Variants in DLGAP2 observed in about 807,000 individuals in gnomAD.
The protein encoded by DLGAP2 is disks large-associated protein 2.
DLGAP2 carries 26 observed loss-of-function variants against 100.3 expected under a neutral mutation model. The observed-to-expected ratio is 0.26, with a 90% confidence interval of 0.19 to 0.36. DLGAP2 has a LOEUF of 0.36. Ranked by LOEUF, DLGAP2 falls within the 10% of genes least tolerant of loss-of-function variation. The pLI, the probability that DLGAP2 is intolerant of heterozygous loss-of-function variation, is 1.00. For missense variants in DLGAP2, 1,858 were observed against 1,453.2 expected (o/e 1.28, Z -4.53); for synonymous variants, 886 against 630.1 (o/e 1.41, Z -6.08).
At chr8:1,166,444 A>G (rs1409652515) in intron 2 of DLGAP2, among the ~76,000 whole-genome samples, 1 of 152,214 alleles carries the variant, frequency 6.6e-6, no homozygotes, top group African/African-American at 2.4e-5. Context: ...GTTCGTCTCC[A>G]GGAAGGAGTG....
chr8:936,405 C>T (rs1260325361), intron 2 of DLGAP2, among the ~76,000 whole-genome samples: 1 of 152,176 alleles, frequency 6.6e-6, no homozygotes, highest in Non-Finnish European at 1.5e-5. Context: ...GCATTGCCTC[C>T]CCTGGGAGAT....
Position 1,045,732 on chromosome 8 carries a change from T to C in DLGAP2, c.73+137766T>C, listed in dbSNP as rs368955654. On this transcript the variant is annotated intron_variant, in intron 2 of 14. Coordinates refer to ENST00000637795, the MANE Select transcript of DLGAP2 (RefSeq NM_001346810.2). Reference sequence around the variant, plus strand: ...CCTTTTTTAGGGACAGGTGTGTGTGTGTTGTCTGTTTTGTTCACTTTTGGA... The same window carrying C: ...CCTTTTTTAGGGACAGGTGTGTGTGCGTTGTCTGTTTTGTTCACTTTTGGA... Among the ~76,000 whole-genome samples the C allele has an allele frequency of 2.2e-3, 335 of 152,270 alleles. 1 individual carries two copies. The highest frequency in any genetic ancestry group is 7.9e-3 in the African/African-American group (329 of 41,552).
At chr8:1,096,842 G>T (rs1217302148) in intron 2 of DLGAP2, among the ~76,000 whole-genome samples, 3 of 139,644 alleles carry the variant, frequency 2.1e-5, no homozygotes, top group Non-Finnish European at 4.6e-5. Flanking sequence ...GTGGAGCTGG[G>T]AGCCCGGGGC....
chr8:1,098,069 C>CA lies in DLGAP2; in HGVS notation c.74-160782_74-160781insA, dbSNP rs1489291916. ...GGTTTTGATCTGAAGAGAAAACTGC[C>CA]GTGAGTTATATTTCCTTGCAACGCA... On this transcript the variant is annotated intron_variant, in intron 2 of 14. Coordinates refer to ENST00000637795, the MANE Select transcript of DLGAP2 (RefSeq NM_001346810.2). Among the ~76,000 whole-genome samples, 8 of 152,292 alleles carry CA rather than the reference C, an allele frequency of 5.3e-5. No homozygotes were observed. The East Asian group carries it at 1.5e-3, about 29-fold the overall frequency.
intron 13 of DLGAP2, 127 bp downstream of exon 13, chr8:1,691,753 C>G: frequency 1.2e-6 from 1 of 832,706 alleles, no homozygotes; most frequent in South Asian, 1.7e-5. Flanking sequence ...CGTGCACTTA[C>G]TACAGAAGAG....
intron 3 of DLGAP2, among the ~76,000 whole-genome samples, chr8:1,299,068 G>A (rs781364668): frequency 7.9e-5 from 12 of 152,270 alleles, no homozygotes; most frequent in Non-Finnish European, 1.5e-4. Context: ...CAGAGAATGT[G>A]AGCCTTGTGG....
chr8:920,306 T>A (rs910860417), intron 2 of DLGAP2, among the ~76,000 whole-genome samples: 37 of 152,328 alleles, frequency 2.4e-4, no homozygotes, highest in Non-Finnish European at 8.8e-5. Context: ...ATAAACCATA[T>A]GTTTGCACAG....
intron 1 of DLGAP2, chr8:822,067 C>T: frequency 2.5e-6 from 1 of 398,994 alleles, no homozygotes; most frequent in Non-Finnish European, 4.4e-6. Flanking sequence ...CACATTTTCC[C>T]CATCTCTATC....
intron 8 of DLGAP2, among the ~76,000 whole-genome samples, chr8:1,650,978 C>T (rs868784105): frequency 7.2e-5 from 11 of 152,284 alleles, no homozygotes; most frequent in Middle Eastern, 3.4e-3. Context: ...ATTGCTGCTG[C>T]TTCTCATGTC....
At chr8:789,366 G>C (rs942507894) in intron 1 of DLGAP2, among the ~76,000 whole-genome samples, 1 of 152,170 alleles carries the variant, frequency 6.6e-6, no homozygotes, top group Non-Finnish European at 1.5e-5. Context: ...AGAGAGTGAA[G>C]GGGGAGGTGC....
chr8:1,554,581 C>G (rs1339338588), intron 5 of DLGAP2, among the ~76,000 whole-genome samples: 2 of 152,160 alleles, frequency 1.3e-5, no homozygotes, highest in African/African-American at 2.4e-5. Context: ...CCTCCTGAGC[C>G]CGGGTCCTGT....
chr8:1,383,434 TACG>T (rs1270539439), intron 3 of DLGAP2, among the ~76,000 whole-genome samples: 1 of 152,214 alleles, frequency 6.6e-6, no homozygotes, highest in Non-Finnish European at 1.5e-5. Context: ...TGTCAAATGG[TACG>T]GTATGTGTTA....
intron 1 of DLGAP2, among the ~76,000 whole-genome samples, chr8:763,504 G>A (rs775977759): frequency 1.3e-5 from 2 of 152,166 alleles, no homozygotes; most frequent in African/African-American, 2.4e-5. Flanking sequence ...TCCATAATTC[G>A]CACTTCTAAG....
intron 3 of DLGAP2, among the ~76,000 whole-genome samples, chr8:1,490,759 G>A (rs1037116492): frequency 2.6e-5 from 4 of 152,136 alleles, no homozygotes; most frequent in African/African-American, 9.7e-5. Context: ...CTGGGCTGGG[G>A]CATGAGGCCT....
intron 2 of DLGAP2, among the ~76,000 whole-genome samples, chr8:1,168,083 C>T (rs1235405706): frequency 2.2e-5 from 3 of 139,002 alleles, no homozygotes; most frequent in Non-Finnish European, 4.6e-5. Flanking sequence ...TTCCTGTGTC[C>T]ACGTGTTCTC....
intron 4 of DLGAP2, among the ~76,000 whole-genome samples, chr8:1,545,547 A>C (rs561777694): frequency 5.6e-4 from 85 of 152,288 alleles, no homozygotes; most frequent in Non-Finnish European, 9.6e-4. Flanking sequence ...TTGCTACCTC[A>C]TTTTCACAAA....
At chr8:1,677,583 C>T (rs1020884824) in intron 11 of DLGAP2, among the ~76,000 whole-genome samples, 15 of 152,210 alleles carry the variant, frequency 9.9e-5, no homozygotes, top group Admixed American at 7.2e-4. Flanking sequence ...CACACGCTCA[C>T]AGTGTTCTCA....
chr8:1,556,406 C>T (rs1801968012), intron 5 of DLGAP2, among the ~76,000 whole-genome samples: 1 of 152,112 alleles, frequency 6.6e-6, no homozygotes, highest in Admixed American at 6.5e-5. Flanking sequence ...GCTCTGACCT[C>T]TTCCTCCCAG....
chr8:1,201,373 C>T (rs910284686), intron 2 of DLGAP2, among the ~76,000 whole-genome samples: 1 of 152,164 alleles, frequency 6.6e-6, no homozygotes, highest in African/African-American at 2.4e-5. Flanking sequence ...CAGGGGGCTC[C>T]CCCTTCCTCG....
Sources: gnomAD v4.1 joint callset for allele counts (sites outside exome capture counted in the v4.1 genomes callset) on GRCh38, gnomAD v4.1.1 for gene constraint, MANE v1.5 for transcripts, NCBI Gene and HGNC (gene_info 2026-07-23, HGNC 2026-07-21) for gene names.